Variants in ATF3 observed in about 807,000 individuals in gnomAD.
ATF3 encodes activating transcription factor 3, also known as cyclic AMP-dependent transcription factor ATF-3.
A neutral mutation model predicts 18.4 loss-of-function variants in ATF3; 10 were observed. That is an observed-to-expected ratio of 0.54 (90% CI 0.34 to 0.92). ATF3 has a LOEUF of 0.92. Among genes scored for constraint, ATF3 ranks in the 40% least tolerant of loss-of-function variants. ATF3 has a pLI of 0.02. For synonymous variants in ATF3, 78 were observed against 87.9 expected (o/e 0.89, Z 0.63); for missense variants, 183 against 222.3 (o/e 0.82, Z 1.12).
chr1:212,567,836 C>A (rs1664411055), intron 1 of ATF3, among the ~76,000 whole-genome samples: 1 of 152,136 alleles, frequency 6.6e-6, no homozygotes, highest in South Asian at 2.1e-4. Flanking sequence ...GGGAAAAGTT[C>A]TGAGAGCCGT....
In ATF3 at chr1:212,571,922, G is replaced by C. The variant is rs577954390; in HGVS notation, c.-5+6439G>C. ...AGAGACTGGGTTTCACCATGTTAGC[G>C]AGGATGGTCTCGATTTCCTGACCTC... On this transcript the variant is annotated intron_variant, in intron 1 of 3. Coordinates refer to the ATF3 transcript ENST00000366981. 1.1e-4 allele frequency among the ~76,000 whole-genome samples: 16 copies of C among 142,716 alleles called. 1 individual carries two copies. The East Asian group carries it at 3.3e-3, about 29-fold the overall frequency. The allele number at this position is 142,716 out of a possible 152,430, so 93.6% of individuals were successfully genotyped here. A position where few individuals can be genotyped will look rare whatever the true frequency, so the allele number is the denominator to read the frequency against.
intron 1 of ATF3, among the ~76,000 whole-genome samples, chr1:212,592,697 T>G (rs1028510676): frequency 6.6e-6 from 1 of 152,032 alleles, no homozygotes; most frequent in African/African-American, 2.4e-5. Flanking sequence ...AGGGGCCGGA[T>G]TGCATTCAGG....
Position 212,615,250 on chromosome 1 carries a change from A to C in ATF3, c.229A>C (p.Thr77Pro), listed in dbSNP as rs2102658784. The change falls in exon 2 of 4, where the codon ACA (threonine) becomes CCA (proline). Residue 77 changes from threonine to proline, a missense_variant. By Grantham distance (38) the Thr-to-Pro change is conservative. Coordinates refer to ENST00000341491, the MANE Select transcript of ATF3 (RefSeq NM_001674.4). ...CGACAGACCCCTCGGGGTGTCCATC[A>C]CAAAAGCCGAGGTGGGTTCTATCAC... ...VSDRPLGVSITKAEVAPEEDE... is the reference protein window; with the variant it reads ...VSDRPLGVSIPKAEVAPEEDE... 1.2e-6 allele frequency: 2 copies of C among 1,613,922 alleles called. No individual in the cohort carries two copies. The highest frequency in any genetic ancestry group is 2.2e-5 in the South Asian group (2 of 91,072).
At chr1:212,591,545 C>G (rs1031995003) in intron 1 of ATF3, among the ~76,000 whole-genome samples, 22 of 152,282 alleles carry the variant, frequency 1.4e-4, no homozygotes, top group Middle Eastern at 3.4e-3. Flanking sequence ...CCATCCCCCC[C>G]GCCCCAGTCC....
At chr1:212,616,445 C>T (rs765683107) in intron 2 of ATF3, among the ~76,000 whole-genome samples, 10 of 151,946 alleles carry the variant, frequency 6.6e-5, no homozygotes, top group Non-Finnish European at 1.2e-4. Flanking sequence ...TACAGGTGCC[C>T]GCCACACGTC....
At chr1:212,601,734 A>T (rs1184685859) in intron 1 of ATF3, among the ~76,000 whole-genome samples, 1 of 152,210 alleles carries the variant, frequency 6.6e-6, no homozygotes, top group African/African-American at 2.4e-5. Flanking sequence ...CTGGCCACAC[A>T]TCAAGTTTTT....
At position 212,619,675 on chromosome 1, in the gene ATF3, C is replaced by A; in HGVS notation, c.*120C>A. On this transcript the variant is annotated 3_prime_UTR_variant, in exon 4 of 4. Coordinates refer to ENST00000341491, the MANE Select transcript of ATF3 (RefSeq NM_001674.4). This position sits in a 1 kb window ranked among gnomAD's most constrained non-coding sequence, Gnocchi z 4.4. ...CCTCTAGAATCCCAGCAGCAGAGAA[C>A]CATCAAGGCGGGAGGGCCTGCAGTG... 1 of 1,413,030 alleles carries A rather than the reference C, an allele frequency of 7.1e-7. No individual in the cohort carries two copies. The highest frequency in any genetic ancestry group is 9.7e-7 in the Non-Finnish European group (1 of 1,030,914). The allele number at this position is 1,413,030 out of a possible 1,614,324, so 87.5% of individuals were successfully genotyped here.
At position 212,619,103 on chromosome 1, in the gene ATF3, T is replaced by A. The variant is rs750043276; in HGVS notation, c.349-255T>A. On this transcript the variant is annotated intron_variant, in intron 3 of 3. Coordinates refer to ENST00000341491, the MANE Select transcript of ATF3 (RefSeq NM_001674.4). The surrounding 1 kb of genome is among the most constrained non-coding windows in gnomAD (Gnocchi z 4.4). ...CATATGGGCTGTTGACTCATGCAAA[T>A]GAGGTATCTGAACTGCAGCTTCAGT... 7.4e-6 allele frequency: 12 copies of A among 1,614,116 alleles called. No individual in the cohort carries two copies. The highest frequency in any genetic ancestry group is 3.3e-4 in the Middle Eastern group (2 of 6,060).
chr1:212,567,401 G>A (rs973438489), intron 1 of ATF3, among the ~76,000 whole-genome samples: 5 of 152,208 alleles, frequency 3.3e-5, no homozygotes, highest in South Asian at 4.1e-4. Context: ...TGCAATGAGT[G>A]AAGAAATAAG....
At chr1:212,609,740 A>T (rs925725334) in intron 1 of ATF3, among the ~76,000 whole-genome samples, 1 of 152,134 alleles carries the variant, frequency 6.6e-6, no homozygotes, top group African/African-American at 2.4e-5. Context: ...CGTGGCGGGG[A>T]AGCGAGGGTG....
intron 1 of ATF3, among the ~76,000 whole-genome samples, chr1:212,595,556 G>A (rs989000303): frequency 1.3e-5 from 2 of 152,218 alleles, no homozygotes; most frequent in Non-Finnish European, 2.9e-5. Flanking sequence ...GGAAATGTGC[G>A]GGGAGTGGCT....
At chr1:212,569,307 G>A (rs1390934225) in intron 1 of ATF3, among the ~76,000 whole-genome samples, 5 of 152,194 alleles carry the variant, frequency 3.3e-5, no homozygotes, top group Non-Finnish European at 2.9e-5. Flanking sequence ...CCTAGGACGA[G>A]GTAGAGAGAC....
intron 1 of ATF3, among the ~76,000 whole-genome samples, chr1:212,590,253 T>C (rs114269708): frequency 6.6e-6 from 1 of 152,152 alleles, no homozygotes; most frequent in Non-Finnish European, 1.5e-5. Flanking sequence ...TAAGCTTTTT[T>C]TTTTTTAAGT....
At chr1:212,579,295 G>A (rs1664637778) in intron 1 of ATF3, among the ~76,000 whole-genome samples, 1 of 152,020 alleles carries the variant, frequency 6.6e-6, no homozygotes, top group Non-Finnish European at 1.5e-5. Context: ...TACAGGCATG[G>A]CTCCCAGACT....
chr1:212,572,122 A>C (rs1039542440), intron 1 of ATF3, among the ~76,000 whole-genome samples: 2 of 152,124 alleles, frequency 1.3e-5, no homozygotes, highest in Non-Finnish European at 2.9e-5. Context: ...ACATTTTTAC[A>C]CTTGTTCTTT....
intron 1 of ATF3, among the ~76,000 whole-genome samples, chr1:212,571,714 CT>C (rs36034401): frequency 0.18 from 22,953 of 126,644 alleles, 1,951 homozygotes; most frequent in East Asian, 0.33. Flanking sequence ...CCAGCCAATA[CT>C]TTTTTTTTTT....
intron 1 of ATF3, among the ~76,000 whole-genome samples, chr1:212,580,885 C>T (rs2102626882): frequency 6.6e-6 from 1 of 152,350 alleles, no homozygotes. Context: ...TCTCCCACCT[C>T]AGTCTCCCGA....
chr1:212,576,662 C>T (rs146946795), intron 1 of ATF3, among the ~76,000 whole-genome samples: 38 of 149,798 alleles, frequency 2.5e-4, no homozygotes, highest in Middle Eastern at 3.4e-3. Flanking sequence ...ATTTTTATTC[C>T]AGAGTTAAAG....
At chr1:212,572,001 C>A (rs990924940) in intron 1 of ATF3, among the ~76,000 whole-genome samples, 3 of 152,138 alleles carry the variant, frequency 2.0e-5, no homozygotes, top group African/African-American at 7.2e-5. Context: ...CGTGAGCCAC[C>A]GCGCCCGGCC....
Sources: allele counts gnomAD v4.1 joint callset (sites outside exome capture counted in the v4.1 genomes callset), GRCh38; gene constraint gnomAD v4.1.1; non-coding constraint Gnocchi (gnomAD v3.1); transcripts MANE v1.5; gene names NCBI Gene and HGNC (gene_info 2026-07-23, HGNC 2026-07-21).